The following LOXHD1 variants were observed in gnomAD, a reference collection of about 807,000 sequenced individuals.
LOXHD1 encodes the protein lipoxygenase homology PLAT domains 1.
A neutral mutation model predicts 248.2 loss-of-function variants in LOXHD1; 205 were observed. The observed-to-expected ratio is 0.83, with a 90% CI of 0.74 to 0.93. LOXHD1 has a LOEUF of 0.93. Ranked by LOEUF, LOXHD1 falls within the 40% of genes least tolerant of loss-of-function variation. The pLI is 0.00. For synonymous variants in LOXHD1, 1,113 were observed against 1,162.8 expected (o/e 0.96, Z 0.87); for missense variants, 2,930 against 2,971.6 (o/e 0.99, Z 0.33).
In LOXHD1 at chr18:46,601,404, AT is replaced by A. The variant is rs2038336356; in HGVS notation, c.946del (p.Ile316SerfsTer43). On this transcript the variant is annotated frameshift_variant, in exon 8 of 41. Transcript: ENST00000642948. LOFTEE classifies it high-confidence loss of function. ...TCTGGCCCCATACATGACCAAGTAG[AT>A]TTTGGATTTGGTACCAGCCCCCCGG... Reference protein sequence around the residue: ...DVRGAGTKSKIYLVMYGARGN... With the variant: ...DVRGAGTKSKXYLVMYGARGN... 6.4e-7 allele frequency: 1 copy of A among 1,551,558 alleles called. No individual in the cohort carries two copies. Among genetic ancestry groups the A allele is most frequent in the African/African-American group, 1.4e-5 (1 of 73,020 alleles).
In LOXHD1 at chr18:46,489,050, T is replaced by G; in HGVS notation, c.5971A>C (p.Lys1991Gln). 1 of 1,551,684 alleles carries G rather than the reference T, an allele frequency of 6.4e-7. No homozygotes were observed. Among genetic ancestry groups the G allele is most frequent in the Non-Finnish European group, 8.7e-7 (1 of 1,146,996 alleles). The change falls in exon 38 of 41, where the codon AAG (lysine) becomes CAG (glutamine). Residue 1991 changes from lysine to glutamine, a missense_variant. Physicochemically the swap from Lys to Gln is moderately conservative, Grantham distance 53 (BLOSUM62 1). Transcript: ENST00000642948. ...FHFQCDCWLS[K>Q]SEGDGQTVRD... The stretch of plus-strand genomic sequence containing the variant: ...ACCGTCTGCCCGTCACCCTCACTCT[T>G]GGAGAGCCAGCAGTCACACTGGAAG...
rs1472341746 is a variant in LOXHD1, at chr18:46,542,743, A to C, written c.3732T>G (p.Leu1244=). 6.4e-7 allele frequency: 1 copy of C among 1,551,554 alleles called. No homozygotes were observed. Among genetic ancestry groups the C allele is most frequent in the Non-Finnish European group, 8.7e-7 (1 of 1,146,998 alleles). The change falls in exon 24 of 41, where the codon CTT becomes CTG. Residue 1244 remains leucine (L), a synonymous_variant. Coordinates refer to ENST00000642948, the MANE Select transcript of LOXHD1 (RefSeq NM_001384474.1). ...AAGCCACACCTGTGTTGTCATGGCC[A>C]AGCCGGACTTTCCACAGGTCTCCCA... The part of the protein sequence containing the change: ...LDLGDLWKVR[L]GHDNTGKAPG...
chr18:46,566,892 T>C (rs992259577), intron 16 of LOXHD1, among the ~76,000 whole-genome samples: 1 of 152,224 alleles, frequency 6.6e-6, no homozygotes, highest in Non-Finnish European at 1.5e-5. Flanking sequence ...TTCTTCAACA[T>C]ACCCATCCTG....
chr18:46,592,124 C>T lies in LOXHD1; in HGVS notation c.1519-56G>A, dbSNP rs1398257165. The T allele has an allele frequency of 1.2e-5, 18 of 1,546,020 alleles. 1 individual carries two copies. In the Admixed American group the frequency reaches 2.2e-4, roughly 19 times the overall value. On this transcript the variant is annotated intron_variant, in intron 11 of 40. Transcript: ENST00000642948. ...GTGCACCAGGGATGTTCACCGATGC[C>T]CTGCAGTCCCCATTCTGCTATCTCA...
intron 1 of LOXHD1, among the ~76,000 whole-genome samples, chr18:46,651,519 G>A (rs2039111370): frequency 6.6e-6 from 1 of 151,928 alleles, no homozygotes; most frequent in African/African-American, 2.4e-5. Flanking sequence ...CATGAGAGAA[G>A]ACATAGACAC....
At chr18:46,581,483 G>A (rs921455370) in intron 12 of LOXHD1, among the ~76,000 whole-genome samples, 6 of 152,108 alleles carry the variant, frequency 3.9e-5, no homozygotes, top group African/African-American at 1.4e-4. Flanking sequence ...GTTCAAAACT[G>A]AGGTCAAGAT....
chr18:46,610,685 A>C, intron 6 of LOXHD1, 91 bp downstream of exon 6: 1 of 1,405,304 alleles, frequency 7.1e-7, no homozygotes, highest in Non-Finnish European at 9.4e-7. Context: ...GGACCTAGAG[A>C]GGAAAGTTGG....
rs141040756 is a variant in LOXHD1 at position 46,488,573 on chromosome 18, C to T, written c.6049+399G>A. Among the ~76,000 whole-genome samples, 8 of 152,282 alleles carry T rather than the reference C, an allele frequency of 5.3e-5. No individual in the cohort carries two copies. The East Asian group carries it at 7.7e-4, about 15-fold the overall frequency. On this transcript the variant is annotated intron_variant, in intron 38 of 40. Coordinates refer to ENST00000642948, the MANE Select transcript of LOXHD1 (RefSeq NM_001384474.1). ...CCTGAGGAAGGGACAAAAGGAAAGC[C>T]GCTGCTAGAGATACTGGCTTCCCCT...
At chr18:46,621,808 T>C (rs576387535) in intron 4 of LOXHD1, among the ~76,000 whole-genome samples, 4 of 152,058 alleles carry the variant, frequency 2.6e-5, no homozygotes, top group African/African-American at 9.7e-5. Flanking sequence ...TGATAAGAAA[T>C]AATTCCCATG....
intron 39 of LOXHD1, 103 bp downstream of exon 39, chr18:46,484,916 A>G (rs1303153615): frequency 1.1e-5 from 15 of 1,376,806 alleles, no homozygotes; most frequent in Middle Eastern, 1.8e-4. Flanking sequence ...CTTGCTGGTT[A>G]GGCCCATTTG....
chr18:46,484,612 G>C (rs755026952), intron 39 of LOXHD1, among the ~76,000 whole-genome samples: 8 of 152,218 alleles, frequency 5.3e-5, no homozygotes, highest in Non-Finnish European at 1.2e-4. Context: ...ATAGCAGTCA[G>C]AATGGACTAA....
At chr18:46,652,607 A>G (rs1258008312) in intron 1 of LOXHD1, among the ~76,000 whole-genome samples, 3 of 152,248 alleles carry the variant, frequency 2.0e-5, no homozygotes, top group African/African-American at 7.2e-5. Context: ...ATACATGTAA[A>G]TTGATCCAAG....
chr18:46,618,184 C>G lies in LOXHD1; in HGVS notation c.610+8G>C, dbSNP rs1201427280. 1 of 1,545,352 alleles carries G rather than the reference C, an allele frequency of 6.5e-7. No individual in the cohort carries two copies. Among genetic ancestry groups the G allele is most frequent in the Non-Finnish European group, 8.8e-7 (1 of 1,141,768 alleles). ...TGGCTTATGAAAAAAATAATTCAAA[C>G]CCATTACCTGTGTCTCCATACTCTC... is the stretch of plus-strand genomic sequence containing the variant. On this transcript the variant is annotated splice_region_variant and intron_variant, in intron 5 of 40. Coordinates refer to ENST00000642948, the MANE Select transcript of LOXHD1 (RefSeq NM_001384474.1).
rs564673458 is a variant in LOXHD1 at position 46,485,298 on chromosome 18, T to C, written c.6050-147A>G. 68 of 830,068 alleles carry C rather than the reference T, an allele frequency of 8.2e-5. No individual in the cohort carries two copies. The East Asian group carries it at 1.8e-3, about 21-fold the overall frequency. The allele number at this position is 830,068 out of a possible 1,614,324, so 51.4% of individuals were successfully genotyped here. A position where few individuals can be genotyped will look rare whatever the true frequency, so the allele number is the denominator to read the frequency against. ...GGGAGGCAGGTTAAAAGCACCACGA[T>C]TGAGGCGTTGTAGGTAGAATCTGCC... is the stretch of plus-strand genomic sequence containing the variant. On this transcript the variant is annotated intron_variant, in intron 38 of 40. Coordinates refer to ENST00000642948, the MANE Select transcript of LOXHD1 (RefSeq NM_001384474.1).
chr18:46,508,449 G>A (rs948203690), intron 35 of LOXHD1, among the ~76,000 whole-genome samples: 4 of 152,112 alleles, frequency 2.6e-5, no homozygotes, highest in African/African-American at 9.7e-5. Flanking sequence ...ATGCTGCCCC[G>A]AGCCAGGGAA....
chr18:46,539,015 G>A (rs1029169336), intron 25 of LOXHD1, among the ~76,000 whole-genome samples: 6 of 152,158 alleles, frequency 3.9e-5, no homozygotes, highest in Admixed American at 3.9e-4. Context: ...TCCCACCAGG[G>A]ACTATCTCCC....
chr18:46,526,916 G>A (rs1359520414), intron 29 of LOXHD1, among the ~76,000 whole-genome samples: 1 of 152,196 alleles, frequency 6.6e-6, no homozygotes, highest in African/African-American at 2.4e-5. Flanking sequence ...CCAACAGGGA[G>A]AGGGGTGTCC....
chr18:46,634,559 A>G (rs2038868434), intron 4 of LOXHD1, among the ~76,000 whole-genome samples: 2 of 152,374 alleles, frequency 1.3e-5, no homozygotes, highest in East Asian at 1.9e-4. Context: ...GGCTACATGT[A>G]TAAGGTACAT....
chr18:46,559,119 C>G (rs779959545), intron 20 of LOXHD1: 11 of 1,338,238 alleles, frequency 8.2e-6, no homozygotes, highest in Non-Finnish European at 1.1e-5. Flanking sequence ...AGTTTTCCCC[C>G]AAGACACCAT....
Sources: allele counts gnomAD v4.1 joint callset (sites outside exome capture counted in the v4.1 genomes callset), GRCh38; gene constraint gnomAD v4.1.1; transcripts MANE v1.5; gene names NCBI Gene and HGNC (gene_info 2026-07-23, HGNC 2026-07-21).